The following ITGB3 variants were observed in gnomAD, a reference collection of about 807,000 sequenced individuals.
The protein encoded by ITGB3 is integrin beta-3.
ITGB3 carries 48 observed loss-of-function variants against 85.8 expected under a neutral mutation model. The ratio of observed to expected loss-of-function variants is 0.56; its 90% CI spans 0.44 to 0.71. The LOEUF is 0.71. Among genes scored for constraint, ITGB3 ranks in the 30% least tolerant of loss-of-function variants. ITGB3 has a pLI of 0.00. For missense variants in ITGB3, 861 were observed against 1,019.1 expected, an observed-to-expected ratio of 0.84 and a Z score of 2.11; for synonymous variants, 363 against 395.6, an observed-to-expected ratio of 0.92 and a Z score of 0.98.
Position 47,299,584 on chromosome 17 carries a change from C to A in ITGB3, c.1913+54C>A. On this transcript the variant is annotated intron_variant, in intron 11 of 14. Transcript: ENST00000559488. The surrounding 1 kb of genome is among the most constrained non-coding windows in gnomAD (Gnocchi z 5.1). ...AGGCTGGGAGGTAGGAGAGGATCCC[C>A]TGACTAGAATCCCCAGCTCTCCAGG... The A allele has an allele frequency of 6.7e-7, 1 of 1,502,240 alleles. No homozygotes were observed. The highest frequency in any genetic ancestry group is 1.1e-5 in the South Asian group (1 of 87,340). 93.1% of individuals were successfully genotyped at this position (1,502,240 alleles called of 1,614,324 possible). A position where few individuals can be genotyped will look rare whatever the true frequency, so the allele number is the denominator to read the frequency against.
At chr17:47,267,089 T>C (rs1422526144) in intron 1 of ITGB3, among the ~76,000 whole-genome samples, 1 of 152,134 alleles carries the variant, frequency 6.6e-6, no homozygotes, top group African/African-American at 2.4e-5. Context: ...AAAACAACAA[T>C]AAAACCAATA....
rs143899481 is a variant in ITGB3 at position 47,265,445 on chromosome 17, T to C, written c.80-8974T>C. Among the ~76,000 whole-genome samples, 5 of 152,338 alleles carry C rather than the reference T, an allele frequency of 3.3e-5. No individual in the cohort carries two copies. The East Asian group carries it at 9.6e-4, about 29-fold the overall frequency. On this transcript the variant is annotated intron_variant, in intron 1 of 14. Coordinates refer to ENST00000559488, the MANE Select transcript of ITGB3 (RefSeq NM_000212.3). Reference sequence around the variant, plus strand: ...AGAATCCTTCCTCCTTCCTATCTTCTGGTGTTGGCTGGCAATCCTTGGTGT... The same window carrying C: ...AGAATCCTTCCTCCTTCCTATCTTCCGGTGTTGGCTGGCAATCCTTGGTGT...
rs1388111839 is a variant in ITGB3 at position 47,307,472 on chromosome 17, G to A, written c.2136G>A (p.Glu712=). The change falls in exon 14 of 15, where the codon GAG becomes GAA. Residue 712 remains glutamate, a splice_region_variant and synonymous_variant. Coordinates refer to ENST00000559488, the MANE Select transcript of ITGB3 (RefSeq NM_000212.3). The stretch of plus-strand genomic sequence containing the variant: ...CTGCTCTGTGCTTCTTCCTCACAGA[G>A]TGTCCCAAGGGCCCTGACATCCTGG... ...KSILYVVEEP[E]CPKGPDILVV... 1.2e-6 allele frequency: 2 copies of A among 1,613,848 alleles called. No homozygotes were observed. The highest frequency in any genetic ancestry group is 1.7e-6 in the Non-Finnish European group (2 of 1,180,004).
intron 4 of ITGB3, 79 bp downstream of exon 4, chr17:47,284,774 A>G: frequency 6.3e-7 from 1 of 1,582,818 alleles, no homozygotes. Context: ...TTCTAGCTCT[A>G]GGATCACTTT....
chr17:47,262,240 T>C (rs1004070129), intron 1 of ITGB3, among the ~76,000 whole-genome samples: 2 of 152,178 alleles, frequency 1.3e-5, no homozygotes, highest in African/African-American at 4.8e-5. Flanking sequence ...TCCACACCCA[T>C]AACACATGAG....
At chr17:47,261,716 G>C (rs530716717) in intron 1 of ITGB3, among the ~76,000 whole-genome samples, 2 of 152,218 alleles carry the variant, frequency 1.3e-5, no homozygotes, top group Admixed American at 1.3e-4. Context: ...GACAGGGTTT[G>C]GCCATGTTGG....
intron 2 of ITGB3, among the ~76,000 whole-genome samples, chr17:47,276,468 T>C (rs1304810062): frequency 1.3e-5 from 2 of 152,046 alleles, no homozygotes; most frequent in Admixed American, 1.3e-4. Context: ...GAGCATGACA[T>C]AGGACCAGCC....
Position 47,313,596 on chromosome 17 carries a change from G to A in ITGB3, c.*3392G>A, listed in dbSNP as rs540492615. On this transcript the variant is annotated 3_prime_UTR_variant, in exon 15 of 15. Coordinates refer to ENST00000559488, the MANE Select transcript of ITGB3 (RefSeq NM_000212.3). ...GATCTCCTGACCTCGTGATCCTCCCGCCTCGGCCTCCCAAAGTGCTGGGAT... is the reference window on the plus strand; with the variant it reads ...GATCTCCTGACCTCGTGATCCTCCCACCTCGGCCTCCCAAAGTGCTGGGAT... Among the ~76,000 whole-genome samples, 77 of 151,496 alleles carry A rather than the reference G, an allele frequency of 5.1e-4. 1 individual carries two copies. The highest frequency in any genetic ancestry group is 1.6e-3 in the African/African-American group (65 of 41,302).
intron 2 of ITGB3, among the ~76,000 whole-genome samples, chr17:47,276,028 T>A (rs1452345004): frequency 6.6e-6 from 1 of 152,158 alleles, no homozygotes; most frequent in Admixed American, 6.5e-5. Flanking sequence ...ATTCTGCAAC[T>A]GAATGCTGGA....
intron 1 of ITGB3, among the ~76,000 whole-genome samples, chr17:47,254,250 A>AG (rs1452988548): frequency 6.6e-6 from 1 of 151,908 alleles, no homozygotes; most frequent in South Asian, 2.1e-4. Context: ...CCCCGCGCTC[A>AG]CCCGGGGCTG....
intron 1 of ITGB3, among the ~76,000 whole-genome samples, chr17:47,260,680 C>T (rs2065005958): frequency 6.6e-6 from 1 of 152,164 alleles, no homozygotes; most frequent in Non-Finnish European, 1.5e-5. Context: ...TTTGACCAAT[C>T]CCCAGTGGAG....
In ITGB3 at chr17:47,310,544, T is replaced by A; in HGVS notation, c.*340T>A. On this transcript the variant is annotated 3_prime_UTR_variant, in exon 15 of 15. Coordinates refer to ENST00000559488, the MANE Select transcript of ITGB3 (RefSeq NM_000212.3). ...AGCTGAGCAGGTGTTCTTCATTACC[T>A]CAGTGAGAAGCCAGCTTTCCTCATC... 5.1e-6 allele frequency: 2 copies of A among 392,024 alleles called. No individual in the cohort carries two copies. The highest frequency in any genetic ancestry group is 4.9e-6 in the Non-Finnish European group (1 of 204,184). 24.3% of individuals were successfully genotyped at this position (392,024 alleles called of 1,614,324 possible). A position where few individuals can be genotyped will look rare whatever the true frequency, so the allele number is the denominator to read the frequency against.
At chr17:47,308,659 G>A (rs2065199885) in intron 14 of ITGB3, among the ~76,000 whole-genome samples, 1 of 152,070 alleles carries the variant, frequency 6.6e-6, no homozygotes, top group Admixed American at 6.6e-5. Flanking sequence ...CAGCCACTGT[G>A]CCCAGCTATT....
rs1001993576 is a variant in ITGB3, at chr17:47,310,646, C to T, written c.*442C>T. 1.9e-5 allele frequency: 5 copies of T among 265,876 alleles called. No individual in the cohort carries two copies. The highest frequency in any genetic ancestry group is 2.2e-5 in the Non-Finnish European group (3 of 134,178). The allele number at this position is 265,876 out of a possible 1,614,324, so 16.5% of individuals were successfully genotyped here. On this transcript the variant is annotated 3_prime_UTR_variant, in exon 15 of 15. Transcript: ENST00000559488. ...GAAGGGACACCAAGCCTTGGCTCTA[C>T]CCTGAGTTCATAAATTTATGGTTCT...
intron 1 of ITGB3, among the ~76,000 whole-genome samples, chr17:47,259,916 C>G (rs1280373616): frequency 6.6e-6 from 1 of 152,156 alleles, no homozygotes; most frequent in Non-Finnish European, 1.5e-5. Context: ...CAGAACAAAA[C>G]AAAACAAATA....
At position 47,287,201 on chromosome 17, in the gene ITGB3, T is replaced by C; in HGVS notation, c.909T>C (p.Ser303=). 1 of 1,613,986 alleles carries C rather than the reference T, an allele frequency of 6.2e-7. No homozygotes were observed. ...QPNDGQCHVG[S]DNHYSASTTM... is the part of the protein sequence containing the mutation. Reference sequence around the variant, plus strand: ...ATGACGGGCAGTGTCATGTTGGTAGTGACAATCATTACTCTGCCTCCACTA... The same window carrying C: ...ATGACGGGCAGTGTCATGTTGGTAGCGACAATCATTACTCTGCCTCCACTA... Residue 303 remains serine, a synonymous_variant, in exon 6 of 15, where the codon AGT becomes AGC. Transcript: ENST00000559488.
At position 47,293,951 on chromosome 17, in the gene ITGB3, C is replaced by A. The variant is rs556172681; in HGVS notation, c.1690+1383C>A. Among the ~76,000 whole-genome samples the A allele has an allele frequency of 2.0e-5, 3 of 152,338 alleles. No individual in the cohort carries two copies. In the East Asian group the frequency reaches 5.8e-4, roughly 29 times the overall value. On this transcript the variant is annotated intron_variant, in intron 10 of 14. Transcript: ENST00000559488. ...TTGAGCTAATCCATGCAGATACTCACTTCGATACTGATATTAACCTTTAAA... is the reference window on the plus strand; with the variant it reads ...TTGAGCTAATCCATGCAGATACTCAATTCGATACTGATATTAACCTTTAAA...
chr17:47,281,860 TC>T (rs1456857367), intron 2 of ITGB3, among the ~76,000 whole-genome samples: 2 of 152,252 alleles, frequency 1.3e-5, no homozygotes, highest in Non-Finnish European at 1.5e-5. Flanking sequence ...CTGTGTGACA[TC>T]CCTGTGAGGG....
intron 1 of ITGB3, among the ~76,000 whole-genome samples, chr17:47,256,607 G>A (rs1050994519): frequency 6.6e-6 from 1 of 152,150 alleles, no homozygotes; most frequent in African/African-American, 2.4e-5. Flanking sequence ...GGGACTCCAA[G>A]TGTTGAAGGG....
Sources: allele counts gnomAD v4.1 joint callset (sites outside exome capture counted in the v4.1 genomes callset), GRCh38; gene constraint gnomAD v4.1.1; non-coding constraint Gnocchi (gnomAD v3.1); transcripts MANE v1.5; gene names NCBI Gene and HGNC (gene_info 2026-07-23, HGNC 2026-07-21).